Variants in CAPN9 observed in about 807,000 individuals in gnomAD.
CAPN9 encodes calpain 9, also known as calpain-9.
Under a neutral mutation model 92.8 loss-of-function variants are expected in CAPN9, and 81 were observed. The ratio of observed to expected loss-of-function variants is 0.87; its 90% CI spans 0.73 to 1.05. The LOEUF (loss-of-function observed/expected upper bound fraction) is 1.05. Ranked by LOEUF, CAPN9 falls within the 50% of genes least tolerant of loss-of-function variation. The pLI, the probability that CAPN9 is intolerant of heterozygous loss-of-function variation, is 0.00. For missense variants in CAPN9, 848 were observed against 866.2 expected, an observed-to-expected ratio of 0.98 and a Z score of 0.26; for synonymous variants, 304 against 328.0, an observed-to-expected ratio of 0.93 and a Z score of 0.79.
chr1:230,757,657 A>T (rs1221369910), intron 2 of CAPN9, among the ~76,000 whole-genome samples: 1 of 150,090 alleles, frequency 6.7e-6, no homozygotes, highest in African/African-American at 2.5e-5. Flanking sequence ...GGAGGTGGGA[A>T]GATCTCTTGA....
chr1:230,756,513 A>G (rs759807167), intron 2 of CAPN9, among the ~76,000 whole-genome samples: 96 of 152,162 alleles, frequency 6.3e-4, no homozygotes, highest in Non-Finnish European at 9.1e-4. Context: ...GGGTAAATAC[A>G]TGGATGGATG....
chr1:230,795,382 A>ACCAC, intron 18 of CAPN9, 103 bp downstream of exon 18: 1 of 704,694 alleles, frequency 1.4e-6, no homozygotes, highest in East Asian at 2.7e-5. Context: ...GCAAAGATAG[A>ACCAC]CCACAGAGAG....
chr1:230,771,859 C>A (rs1402532848), intron 6 of CAPN9, among the ~76,000 whole-genome samples, 155 bp from the exon 7 acceptor site: 1 of 152,228 alleles, frequency 6.6e-6, no homozygotes, highest in Non-Finnish European at 1.5e-5. Context: ...TAAGAACTGG[C>A]GAACTTCTAC....
intron 1 of CAPN9, among the ~76,000 whole-genome samples, 187 bp from the exon 2 acceptor site, chr1:230,755,150 G>A (rs1017965510): frequency 2.0e-5 from 3 of 152,182 alleles, no homozygotes; most frequent in African/African-American, 4.8e-5. Context: ...TACCAAAGAT[G>A]AGCCCAGCCT....
At chr1:230,784,977 T>C (rs1489952816) in intron 11 of CAPN9, among the ~76,000 whole-genome samples, 1 of 152,188 alleles carries the variant, frequency 6.6e-6, no homozygotes, top group African/African-American at 2.4e-5. Context: ...GATCCCACCC[T>C]TTGTACCAGT....
At chr1:230,796,366 A>ATAAATAAG (rs1668359023) in intron 18 of CAPN9, among the ~76,000 whole-genome samples, 1 of 144,940 alleles carries the variant, frequency 6.9e-6, no homozygotes, top group Admixed American at 6.8e-5. Flanking sequence ...AAATAAATAA[A>ATAAATAAG]TAAATAATAA....
rs1558301074 is a variant in CAPN9, at chr1:230,747,462, C to T, written c.-35C>T. ...GCTTCTTCACTTTCTTTTCCATCCACTGCCGGACCCAAGCCAGCCTTCCAG... is the reference window on the plus strand; with the variant it reads ...GCTTCTTCACTTTCTTTTCCATCCATTGCCGGACCCAAGCCAGCCTTCCAG... On this transcript the variant is annotated 5_prime_UTR_variant, in exon 1 of 20. Transcript: ENST00000271971. The T allele has an allele frequency of 6.3e-7, 1 of 1,579,794 alleles. No homozygotes were observed. Among genetic ancestry groups the T allele is most frequent in the East Asian group, 2.2e-5 (1 of 44,698 alleles).
intron 11 of CAPN9, 74 bp downstream of exon 11, chr1:230,780,782 G>A: frequency 2.4e-6 from 3 of 1,227,492 alleles, no homozygotes; most frequent in Middle Eastern, 4.0e-4. Context: ...CCTGGGAACT[G>A]CTGGAGCCAA....
At position 230,790,234 on chromosome 1, in the gene CAPN9, C is replaced by T. The variant is rs779792487; in HGVS notation, c.1657+45C>T. The T allele has an allele frequency of 1.9e-6, 3 of 1,609,546 alleles. No homozygotes were observed. The African/African-American group carries it at 4.0e-5, about 21-fold the overall frequency. On this transcript the variant is annotated intron_variant, in intron 14 of 19. Coordinates refer to ENST00000271971, the MANE Select transcript of CAPN9 (RefSeq NM_006615.3). ...GGGTCCTGGGGCACCTATGGAGGGA[C>T]AAGCGACCACACTGCCTGGGTCCCC...
chr1:230,786,223 G>A (rs1161763792), intron 12 of CAPN9: 18 of 954,144 alleles, frequency 1.9e-5, no homozygotes, highest in African/African-American at 5.3e-5. Context: ...TGGCATGGGA[G>A]TGAGGTGGGT....
rs28359630 is a variant in CAPN9, at chr1:230,762,628, T to C, written c.403-25T>C. ...GCTCCCATGTAGCTGACTCGCATCATTTCTGTCTTTTTCCTGGGCAACAGT... is the reference window on the plus strand; with the variant it reads ...GCTCCCATGTAGCTGACTCGCATCACTTCTGTCTTTTTCCTGGGCAACAGT... On this transcript the variant is annotated intron_variant, in intron 3 of 19. Transcript: ENST00000271971. The C allele has an allele frequency of 1.0e-3, 1,639 of 1,612,244 alleles. 21 individuals carry two copies. In the South Asian group the frequency reaches 0.017, roughly 17 times the overall value.
chr1:230,778,588 G>T (rs1485435877), intron 8 of CAPN9, among the ~76,000 whole-genome samples: 1 of 152,078 alleles, frequency 6.6e-6, no homozygotes, highest in Non-Finnish European at 1.5e-5. Context: ...CTGTCCATCT[G>T]CCTAGACCCC....
chr1:230,753,150 C>G (rs1218459872), intron 1 of CAPN9, among the ~76,000 whole-genome samples: 1 of 152,158 alleles, frequency 6.6e-6, no homozygotes, highest in Non-Finnish European at 1.5e-5. Context: ...CCCTTTCCAG[C>G]CACCACGGAG....
In CAPN9 at chr1:230,787,615, C is replaced by T. The variant is rs1667698563; in HGVS notation, c.1599+13C>T. 6.2e-7 allele frequency: 1 copy of T among 1,608,468 alleles called. No homozygotes were observed. The highest frequency in any genetic ancestry group is 8.5e-7 in the Non-Finnish European group (1 of 1,175,074). On this transcript the variant is annotated intron_variant, in intron 13 of 19. Transcript: ENST00000271971. ...AGTCGCTGGTGAGGTAGGACATGCC[C>T]CACTTCCATCTCCCCACCAGGCTGA...
At chr1:230,788,969 CAT>C (rs561076517) in intron 13 of CAPN9, among the ~76,000 whole-genome samples, 100 of 152,314 alleles carry the variant, frequency 6.6e-4, no homozygotes, top group African/African-American at 2.3e-3. Context: ...CTCCTTGACT[CAT>C]GTCCTGCTTT....
chr1:230,760,625 C>T (rs1034104979), intron 3 of CAPN9, among the ~76,000 whole-genome samples: 4 of 152,194 alleles, frequency 2.6e-5, no homozygotes, highest in African/African-American at 4.8e-5. Flanking sequence ...AGGCCTCCTG[C>T]GCCGGCTGGG....
Position 230,787,503 on chromosome 1 carries a change from T to G in CAPN9, c.1519-19T>G, listed in dbSNP as rs373211377. On this transcript the variant is annotated intron_variant, in intron 12 of 19. Coordinates refer to ENST00000271971, the MANE Select transcript of CAPN9 (RefSeq NM_006615.3). The stretch of plus-strand genomic sequence containing the variant: ...TTTTTGTGGATCATTTTGTGCAAGT[T>G]TCTTTGGCTGTTTTTTAGCCTCCAA... 2.5e-6 allele frequency: 4 copies of G among 1,608,624 alleles called. No individual in the cohort carries two copies. In the African/African-American group the frequency reaches 5.3e-5, roughly 22 times the overall value.
intron 9 of CAPN9, among the ~76,000 whole-genome samples, chr1:230,779,503 T>C (rs567110156): frequency 6.6e-6 from 1 of 152,282 alleles, no homozygotes; most frequent in Admixed American, 6.5e-5. Flanking sequence ...CCCTCTTTTA[T>C]GTGTTGACTT....
chr1:230,774,757 T>C, intron 8 of CAPN9, 126 bp downstream of exon 8: 1 of 619,632 alleles, frequency 1.6e-6, no homozygotes, highest in Non-Finnish European at 2.7e-6. Flanking sequence ...TTTTTTTTTT[T>C]TGAGACGGAG....
Sources: allele counts gnomAD v4.1 joint callset (sites outside exome capture counted in the v4.1 genomes callset), GRCh38; gene constraint gnomAD v4.1.1; transcripts MANE v1.5; gene names NCBI Gene and HGNC (gene_info 2026-07-23, HGNC 2026-07-21).